Variants in NT5C2 observed in about 807,000 individuals in gnomAD.
NT5C2 encodes cytosolic purine 5'-nucleotidase.
Under a neutral mutation model 76.1 loss-of-function variants are expected in NT5C2, and 58 were observed. The ratio of observed to expected loss-of-function variants is 0.76; its 90% CI spans 0.62 to 0.95. NT5C2 has a LOEUF of 0.95. NT5C2 is among the 40% of genes least tolerant of loss of function. The pLI, the probability that NT5C2 is intolerant of heterozygous loss-of-function variation, is 0.00. For synonymous variants in NT5C2, 229 were observed against 237.4 expected (o/e 0.96, Z 0.32); for missense variants, 478 against 690.3 (o/e 0.69, Z 3.45).
intron 4 of NT5C2, among the ~76,000 whole-genome samples, chr10:103,111,014 G>A (rs2072879226): frequency 6.6e-6 from 1 of 152,028 alleles, no homozygotes; most frequent in South Asian, 2.1e-4. Context: ...GCCCTACAAA[G>A]CCAGCCTCAG....
At chr10:103,190,779 T>TA (rs2092576419) in intron 1 of NT5C2, among the ~76,000 whole-genome samples, 1 of 152,168 alleles carries the variant, frequency 6.6e-6, no homozygotes, top group South Asian at 2.1e-4. Context: ...GTTAAATGTC[T>TA]AAAAACCTCA....
intron 9 of NT5C2, 35 bp downstream of exon 9, chr10:103,099,891 G>T: frequency 1.5e-6 from 2 of 1,314,006 alleles, no homozygotes; most frequent in Non-Finnish European, 2.2e-6. Context: ...ATACATGCCA[G>T]AAAGCAAGCA....
chr10:103,176,041 C>G (rs746263014), intron 2 of NT5C2: 29 of 177,118 alleles, frequency 1.6e-4, no homozygotes, highest in Non-Finnish European at 3.5e-4. Flanking sequence ...CAGAGACATC[C>G]ACTCCCTTGG....
At chr10:103,172,134 T>C (rs1163239) in intron 3 of NT5C2, among the ~76,000 whole-genome samples, 8,729 of 151,972 alleles carry the variant, frequency 0.057, 840 homozygotes, top group African/African-American at 0.2. Context: ...CGCTTGAACC[T>C]GGGAGGCAGA....
At chr10:103,119,498 A>G (rs998231753) in intron 4 of NT5C2, among the ~76,000 whole-genome samples, 4 of 152,214 alleles carry the variant, frequency 2.6e-5, no homozygotes, top group East Asian at 1.9e-4. Flanking sequence ...CACAAGTTCT[A>G]TATTTTCCAA....
chr10:103,101,460 T>G (rs1274772634), intron 6 of NT5C2, 134 bp from the exon 7 acceptor site: 2 of 542,858 alleles, frequency 3.7e-6, no homozygotes, highest in Non-Finnish European at 6.4e-6. Context: ...TACGCATGGA[T>G]AGCTATGAAG....
chr10:103,101,000 A>G lies in NT5C2; in HGVS notation c.539+45T>C, dbSNP rs759607356. On this transcript the variant is annotated intron_variant, in intron 8 of 18. Transcript: ENST00000404739. ...CAGTTCTCTAAAACCCTGTGCATTAATTTTAAAAATCAATTGGAAAAAAAT... is the reference window on the plus strand; with the variant it reads ...CAGTTCTCTAAAACCCTGTGCATTAGTTTTAAAAATCAATTGGAAAAAAAT... The G allele has an allele frequency of 7.4e-6, 8 of 1,086,452 alleles. No individual in the cohort carries two copies. In the South Asian group the frequency reaches 9.1e-5, roughly 12 times the overall value. 67.3% of individuals were successfully genotyped at this position (1,086,452 alleles called of 1,614,324 possible). A position where few individuals can be genotyped will look rare whatever the true frequency, so the allele number is the denominator to read the frequency against.
chr10:103,191,932 T>C (rs142922023), intron 1 of NT5C2, among the ~76,000 whole-genome samples: 233 of 152,272 alleles, frequency 1.5e-3, no homozygotes, highest in African/African-American at 5.1e-3. Flanking sequence ...CCAGCTATGT[T>C]TTCTTGAACT....
intron 4 of NT5C2, among the ~76,000 whole-genome samples, chr10:103,139,043 G>A (rs889141918): frequency 1.3e-5 from 2 of 151,892 alleles, no homozygotes; most frequent in Admixed American, 1.3e-4. Flanking sequence ...ACTGATACAA[G>A]TTTATCTGTG....
intron 1 of NT5C2, among the ~76,000 whole-genome samples, chr10:103,190,314 A>T (rs2092540326): frequency 2.0e-5 from 3 of 152,154 alleles, no homozygotes. Flanking sequence ...TTCTCTTTCC[A>T]GTTTTATCTC....
At position 103,139,399 on chromosome 10, in the gene NT5C2, T is replaced by C. The variant is rs1250688072; in HGVS notation, c.175+7A>G. On this transcript the variant is annotated splice_region_variant and intron_variant, in intron 4 of 18. Coordinates refer to ENST00000404739, the MANE Select transcript of NT5C2 (RefSeq NM_001351169.2). ...CAGTTCTTAAGCAATCAGAAATTGC[T>C]ACTCACCAGCAAGGGTATAATCCAT... 6.4e-7 allele frequency: 1 copy of C among 1,562,298 alleles called. No individual in the cohort carries two copies. Among genetic ancestry groups the C allele is most frequent in the East Asian group, 2.3e-5 (1 of 42,650 alleles).
intron 3 of NT5C2, chr10:103,153,901 A>ATT: frequency 3.5e-6 from 2 of 576,518 alleles, no homozygotes; most frequent in Non-Finnish European, 4.4e-6. Context: ...ACAGCGAGGT[A>ATT]TTTTTTTTTC....
At chr10:103,152,233 A>C (rs1381152282) in intron 3 of NT5C2, among the ~76,000 whole-genome samples, 1 of 152,216 alleles carries the variant, frequency 6.6e-6, no homozygotes, top group Non-Finnish European at 1.5e-5. Flanking sequence ...AAAATATACC[A>C]ACCTAAAAAG....
At chr10:103,190,909 A>C (rs1278046949) in intron 1 of NT5C2, among the ~76,000 whole-genome samples, 1 of 152,218 alleles carries the variant, frequency 6.6e-6, no homozygotes, top group Non-Finnish European at 1.5e-5. Flanking sequence ...CTCTAAATAC[A>C]TGGACATCCC....
chr10:103,185,421 G>A (rs908395207), intron 1 of NT5C2, among the ~76,000 whole-genome samples: 21 of 151,822 alleles, frequency 1.4e-4, no homozygotes, highest in Admixed American at 1.3e-3. Flanking sequence ...CAAGCCAGGC[G>A]GATCCCTTGA....
At chr10:103,113,376 CTTGTA>C (rs2073536409) in intron 4 of NT5C2, among the ~76,000 whole-genome samples, 1 of 152,054 alleles carries the variant, frequency 6.6e-6, no homozygotes, top group African/African-American at 2.4e-5. Context: ...TTACAAATAT[CTTGTA>C]TTTTCAGTAC....
chr10:103,181,496 T>G lies in NT5C2; in HGVS notation c.-168-168A>C, dbSNP rs193280326. Among the ~76,000 whole-genome samples, 54 of 152,262 alleles carry G rather than the reference T, an allele frequency of 3.5e-4. No homozygotes were observed. In the East Asian group the frequency reaches 0.01, roughly 28 times the overall value. ...AACTGAAACTGTAGGGTAAGCCTGG[T>G]TAGCAATCTGCACTGAATATTCTTT... On this transcript the variant is annotated intron_variant, in intron 1 of 18. Coordinates refer to ENST00000404739, the MANE Select transcript of NT5C2 (RefSeq NM_001351169.2).
intron 3 of NT5C2, among the ~76,000 whole-genome samples, chr10:103,145,383 A>G (rs901987383): frequency 6.6e-6 from 1 of 152,202 alleles, no homozygotes; most frequent in African/African-American, 2.4e-5. Flanking sequence ...AAAAGGTACT[A>G]TATCAATTAC....
intron 3 of NT5C2, among the ~76,000 whole-genome samples, chr10:103,143,602 A>ATTTTTTTTT (rs67395221): frequency 1.9e-5 from 1 of 53,864 alleles, no homozygotes; most frequent in African/African-American, 9.1e-5. Context: ...ATGTCCAGCT[A>ATTTTTTTTT]TTTTTTTTTT....
Sources: allele counts gnomAD v4.1 joint callset (sites outside exome capture counted in the v4.1 genomes callset), GRCh38; gene constraint gnomAD v4.1.1; transcripts MANE v1.5; gene names NCBI Gene and HGNC (gene_info 2026-07-23, HGNC 2026-07-21).